CTNNA2: variants seen among roughly 807,000 people sequenced by gnomAD.
CTNNA2 encodes catenin alpha 2.
CTNNA2 carries 42 observed loss-of-function variants against 101.0 expected under a neutral mutation model. That is an observed-to-expected ratio of 0.42 (90% CI 0.32 to 0.54). The LOEUF (loss-of-function observed/expected upper bound fraction) is 0.54. CTNNA2 is among the 20% of genes least tolerant of loss of function. The pLI is 0.14. For synonymous variants in CTNNA2, 450 were observed against 456.4 expected (o/e 0.99, Z 0.18); for missense variants, 871 against 1,223.1 (o/e 0.71, Z 4.29).
At chr2:79,608,664 T>G (rs759760918) in intron 1 of CTNNA2, among the ~76,000 whole-genome samples, 4 of 152,102 alleles carry the variant, frequency 2.6e-5, no homozygotes, top group Non-Finnish European at 5.9e-5. Context: ...AACTACATGA[T>G]CACCTTAGTG....
chr2:80,410,202 A>G (rs1328635141), intron 8 of CTNNA2, among the ~76,000 whole-genome samples: 1 of 152,228 alleles, frequency 6.6e-6, no homozygotes, highest in Non-Finnish European at 1.5e-5. Context: ...CCCACCCAAT[A>G]GGTAGACAAC....
At chr2:79,630,676 T>C (rs1679630220) in intron 1 of CTNNA2, among the ~76,000 whole-genome samples, 1 of 152,354 alleles carries the variant, frequency 6.6e-6, no homozygotes, top group African/African-American at 2.4e-5. Flanking sequence ...GTGAATTATT[T>C]TGTGTAATTC....
chr2:80,548,788 G>A (rs1194147760), intron 11 of CTNNA2, among the ~76,000 whole-genome samples: 2 of 152,136 alleles, frequency 1.3e-5, no homozygotes, highest in Non-Finnish European at 2.9e-5. Context: ...CCAATAGCTA[G>A]GGAAACTACT....
intron 1 of CTNNA2, among the ~76,000 whole-genome samples, chr2:79,552,222 G>A (rs766433734): frequency 1.6e-4 from 24 of 152,042 alleles, no homozygotes; most frequent in Non-Finnish European, 3.1e-4. Context: ...CCAAACAAAG[G>A]GACTACAGGC....
intron 9 of CTNNA2, among the ~76,000 whole-genome samples, chr2:80,423,514 A>T (rs566752590): frequency 6.6e-6 from 1 of 152,162 alleles, no homozygotes. Flanking sequence ...TCTCCTTTAA[A>T]AAAATATTAA....
chr2:79,248,785 G>C (rs1674730685), intron 2 of CTNNA2, among the ~76,000 whole-genome samples: 1 of 152,206 alleles, frequency 6.6e-6, no homozygotes, highest in Non-Finnish European at 1.5e-5. Context: ...TACCAAGCAG[G>C]AAAGCTTCTT....
At chr2:79,921,569 C>T (rs1354755543) in intron 7 of CTNNA2, among the ~76,000 whole-genome samples, 2 of 152,214 alleles carry the variant, frequency 1.3e-5, no homozygotes, top group Admixed American at 1.3e-4. Context: ...AAACACACCT[C>T]ATCCTACTCA....
chr2:80,424,283 T>C (rs533225529), intron 9 of CTNNA2, among the ~76,000 whole-genome samples: 7 of 152,302 alleles, frequency 4.6e-5, no homozygotes, highest in Admixed American at 2.0e-4. Flanking sequence ...ACTAGCACTG[T>C]TCATTACAGT....
At chr2:79,907,823 A>T (rs1349295067) in intron 6 of CTNNA2, among the ~76,000 whole-genome samples, 1 of 152,220 alleles carries the variant, frequency 6.6e-6, no homozygotes, top group East Asian at 1.9e-4. Flanking sequence ...GTGATTTTCT[A>T]AAAAATCCAA....
intron 7 of CTNNA2, among the ~76,000 whole-genome samples, chr2:79,982,702 C>T (rs1055423344): frequency 2.6e-5 from 4 of 152,052 alleles, no homozygotes; most frequent in African/African-American, 4.8e-5. Flanking sequence ...TTTGGTCTGT[C>T]GTCCTCAGTG....
chr2:79,758,749 A>G (rs10210017), intron 3 of CTNNA2, among the ~76,000 whole-genome samples: 6,206 of 152,234 alleles, frequency 0.041, 422 homozygotes, highest in African/African-American at 0.14. Context: ...CTCCAGCTGC[A>G]TTCATGTTGC....
chr2:79,293,395 A>G (rs1401766059), intron 2 of CTNNA2: 1 of 152,332 alleles, frequency 6.6e-6, no homozygotes, highest in Non-Finnish European at 1.5e-5. Flanking sequence ...ATATGAATGC[A>G]TTAAGAAATA....
chr2:79,238,477 G>T (rs574497937), intron 2 of CTNNA2, among the ~76,000 whole-genome samples: 6 of 152,144 alleles, frequency 3.9e-5, no homozygotes, highest in Admixed American at 6.5e-5. Flanking sequence ...AGAAATGAGC[G>T]CATGCTCTTG....
chr2:79,327,975 C>CG (rs113517956), intron 3 of CTNNA2, among the ~76,000 whole-genome samples: 22,889 of 151,762 alleles, frequency 0.15, 1,899 homozygotes, highest in Non-Finnish European at 0.18. Context: ...CATGGGGTTG[C>CG]GGGGGTGAGG....
intron 4 of CTNNA2, among the ~76,000 whole-genome samples, chr2:79,409,509 T>C (rs1678382508): frequency 6.6e-6 from 1 of 151,930 alleles, no homozygotes; most frequent in Admixed American, 6.6e-5. Context: ...GTTTCACCTT[T>C]CTACATATGG....
At chr2:79,675,969 G>A (rs1683158542) in intron 2 of CTNNA2, among the ~76,000 whole-genome samples, 1 of 152,182 alleles carries the variant, frequency 6.6e-6, no homozygotes, top group African/African-American at 2.4e-5. Context: ...TCAGGAGTTT[G>A]TGGAGTGTCA....
chr2:80,331,019 ATGT>A (rs1671265488), intron 7 of CTNNA2, among the ~76,000 whole-genome samples: 3 of 110,784 alleles, frequency 2.7e-5, no homozygotes, highest in African/African-American at 1.0e-4. Flanking sequence ...TTTAAACTGT[ATGT>A]TTTTTTTTTT....
intron 4 of CTNNA2, among the ~76,000 whole-genome samples, chr2:79,423,226 AGGTACTCT>A (rs1678556661): frequency 6.6e-6 from 1 of 152,162 alleles, no homozygotes; most frequent in Admixed American, 6.5e-5. Flanking sequence ...AGTCACATGT[AGGTACTCT>A]GGTCAATAGC....
At chr2:79,896,238 G>A (rs575774765) in intron 6 of CTNNA2, among the ~76,000 whole-genome samples, 4 of 151,628 alleles carry the variant, frequency 2.6e-5, no homozygotes, top group Non-Finnish European at 4.4e-5. Flanking sequence ...AGCCAAAATC[G>A]TGCCACTGTA....
Sources: gnomAD v4.1 joint callset for allele counts (sites outside exome capture counted in the v4.1 genomes callset) on GRCh38, gnomAD v4.1.1 for gene constraint, MANE v1.5 for transcripts, NCBI Gene and HGNC (gene_info 2026-07-23, HGNC 2026-07-21) for gene names.